The following NHS variants were observed in gnomAD, a reference collection of about 807,000 sequenced individuals.
The protein encoded by NHS is actin remodeling regulator NHS.
A neutral mutation model predicts 72.5 loss-of-function variants in NHS; 5 were observed. The ratio of observed to expected loss-of-function variants is 0.07; its 90% CI spans 0.04 to 0.14. NHS has a LOEUF of 0.14. NHS is among the 10% of genes least tolerant of loss of function. NHS has a pLI of 1.00. For missense variants in NHS, 1,072 were observed against 1,355.7 expected (o/e 0.79, Z 3.29); for synonymous variants, 464 against 547.7 (o/e 0.85, Z 2.13).
rs755874607 is a variant in NHS, at chrX:17,602,196, CAACA to C, written c.566-85527_566-85524del. 5.5e-3 allele frequency among the ~76,000 whole-genome samples: 608 copies of C among 110,437 alleles called. 7 individuals are homozygous for C. The highest frequency in any genetic ancestry group is 0.019 in the African/African-American group (559 of 30,114). On this transcript the variant is annotated intron_variant, in intron 1 of 8. Coordinates refer to ENST00000676302, the MANE Select transcript of NHS (RefSeq NM_001291867.2). ...CTGATCACACACACAACAACAACAACAACAAACAAACAAACAAACAAAAAAACAG... is the reference window on the plus strand; with the variant it reads ...CTGATCACACACACAACAACAACAACAACAAACAAACAAACAAAAAAACAG...
chrX:17,478,997 T>A (rs1161778342), intron 1 of NHS, among the ~76,000 whole-genome samples: 1 of 111,823 alleles, frequency 8.9e-6, no homozygotes, highest in South Asian at 3.8e-4. Context: ...GGTGGTTTGC[T>A]GCACCCACCA....
chrX:17,643,296 C>CT (rs1192694615), intron 1 of NHS, among the ~76,000 whole-genome samples: 34 of 109,710 alleles, frequency 3.1e-4, no homozygotes, highest in Middle Eastern at 4.7e-3. Context: ...TTCTTTCTTT[C>CT]TTTTTTTTTC....
chrX:17,479,500 A>T (rs1334956994), intron 1 of NHS, among the ~76,000 whole-genome samples: 1 of 112,322 alleles, frequency 8.9e-6, no homozygotes, highest in East Asian at 2.8e-4. Context: ...CAATGGTTGA[A>T]CTAATTTACC....
chrX:17,424,939 G>T (rs996892261), intron 1 of NHS, among the ~76,000 whole-genome samples: 2 of 111,559 alleles, frequency 1.8e-5, no homozygotes, highest in African/African-American at 3.3e-5. Flanking sequence ...AGATGTTGGG[G>T]TGGTGGTGAG....
In NHS at chrX:17,376,189, G is replaced by A. The variant is rs755554185; in HGVS notation, c.432G>A (p.Arg144=). ...RVLRQLSDVA[R]HACSLFQELE... Reference sequence around the variant, plus strand: ...TCCGGCAGCTCTCGGACGTGGCCCGGCACGCTTGCAGCCTCTTCCAGGAGC... The same window carrying A: ...TCCGGCAGCTCTCGGACGTGGCCCGACACGCTTGCAGCCTCTTCCAGGAGC... Residue 144 remains arginine, a synonymous_variant, in exon 1 of 9, where the codon CGG becomes CGA. Transcript: ENST00000676302. 1.7e-6 allele frequency: 2 copies of A among 1,190,126 alleles called. No individual in the cohort carries two copies. The highest frequency in any genetic ancestry group is 2.2e-5 in the Admixed American group (1 of 45,288).
rs1178079994 is a variant in NHS, at chrX:17,402,129, C to T, written c.565+25807C>T. Among the ~76,000 whole-genome samples the T allele has an allele frequency of 9.0e-5, 10 of 111,546 alleles. No individual in the cohort carries two copies. The East Asian group carries it at 2.3e-3, about 25-fold the overall frequency. ...AAGGCAATGCAAATCAAAACCACAA[C>T]GAGATACCACATCATCATACCCATT... On this transcript the variant is annotated intron_variant, in intron 1 of 8. Coordinates refer to ENST00000676302, the MANE Select transcript of NHS (RefSeq NM_001291867.2).
chrX:17,447,798 C>T (rs1407128561), intron 1 of NHS, among the ~76,000 whole-genome samples: 1 of 109,338 alleles, frequency 9.1e-6, no homozygotes, highest in Non-Finnish European at 1.9e-5. Context: ...CACACACACA[C>T]ACACACACAC....
At chrX:17,427,345 C>G (rs2064662158) in intron 1 of NHS, among the ~76,000 whole-genome samples, 1 of 111,975 alleles carries the variant, frequency 8.9e-6, no homozygotes, top group African/African-American at 3.2e-5. Flanking sequence ...ACAGTCTTGC[C>G]AAGACCTAGC....
chrX:17,458,060 T>G (rs1339811012), intron 1 of NHS, among the ~76,000 whole-genome samples: 1 of 112,004 alleles, frequency 8.9e-6, no homozygotes, highest in Non-Finnish European at 1.9e-5. Flanking sequence ...ATGTGGTTTT[T>G]TTGCCCATGA....
chrX:17,439,767 A>T (rs148748347), intron 1 of NHS, among the ~76,000 whole-genome samples: 1,180 of 112,299 alleles, frequency 0.011, 15 homozygotes, highest in African/African-American at 0.036. Flanking sequence ...TATATGTGTG[A>T]GCTTTTCACA....
At chrX:17,679,803 C>T (rs2066112888) in intron 1 of NHS, among the ~76,000 whole-genome samples, 1 of 105,130 alleles carries the variant, frequency 9.5e-6, no homozygotes, top group African/African-American at 3.5e-5. Context: ...ATTTCATATA[C>T]TGAATACCTG....
intron 1 of NHS, among the ~76,000 whole-genome samples, chrX:17,589,887 A>C (rs1198250657): frequency 9.0e-6 from 1 of 111,703 alleles, no homozygotes; most frequent in Non-Finnish European, 1.9e-5. Flanking sequence ...TTGCAGGAGT[A>C]AGATGGTATT....
intron 2 of NHS, among the ~76,000 whole-genome samples, chrX:17,689,055 A>G (rs2066180604): frequency 8.9e-6 from 1 of 112,483 alleles, no homozygotes; most frequent in Non-Finnish European, 1.9e-5. Flanking sequence ...AAATGCAAGT[A>G]AAATATTTTA....
In NHS at chrX:17,733,427, T is replaced by C. The variant is rs1241193485; in HGVS notation, c.*963T>C. 1 of 112,079 alleles carries C rather than the reference T, an allele frequency of 8.9e-6. No individual in the cohort carries two copies. The highest frequency in any genetic ancestry group is 3.3e-5 in the African/African-American group (1 of 30,704). The allele number at this position is 112,079 out of a possible 1,213,427, so 9.2% of individuals were successfully genotyped here. A position where few individuals can be genotyped will look rare whatever the true frequency, so the allele number is the denominator to read the frequency against. ...CTTTAAAGAGAATGAGTAGGGAAAA[T>C]AGTAGTTAATTTTAGGTTATGTTTT... On this transcript the variant is annotated 3_prime_UTR_variant, in exon 9 of 9. Transcript: ENST00000676302.
At chrX:17,534,065 A>G (rs1027637693) in intron 1 of NHS, among the ~76,000 whole-genome samples, 4 of 109,133 alleles carry the variant, frequency 3.7e-5, no homozygotes, top group Non-Finnish European at 7.6e-5. Flanking sequence ...AGAGGAAGAA[A>G]GCCTTCTTCG....
At chrX:17,533,047 G>A (rs1373970068) in intron 1 of NHS, among the ~76,000 whole-genome samples, 1 of 111,880 alleles carries the variant, frequency 8.9e-6, no homozygotes, top group East Asian at 2.8e-4. Flanking sequence ...GACCTACGTG[G>A]ATTTTTCTAT....
rs184061620 is a variant in NHS at position 17,504,388 on chromosome X, T to G, written c.565+128066T>G. On this transcript the variant is annotated intron_variant, in intron 1 of 8. Coordinates refer to ENST00000676302, the MANE Select transcript of NHS (RefSeq NM_001291867.2). Reference sequence around the variant, plus strand: ...TCAGCTAACAAGATATGTATACTTCTCCCACAGCCATCCTTATGGTGAAAA... The same window carrying G: ...TCAGCTAACAAGATATGTATACTTCGCCCACAGCCATCCTTATGGTGAAAA... Among the ~76,000 whole-genome samples the G allele has an allele frequency of 1.8e-4, 20 of 112,195 alleles. No homozygotes were observed. The East Asian group carries it at 5.6e-3, about 31-fold the overall frequency.
intron 1 of NHS, among the ~76,000 whole-genome samples, chrX:17,410,218 G>A (rs765606934): frequency 2.4e-3 from 264 of 111,033 alleles, no homozygotes; most frequent in African/African-American, 8.2e-3. Flanking sequence ...GTGTCTGAGG[G>A]TGGTCTCCTT....
intron 3 of NHS, among the ~76,000 whole-genome samples, chrX:17,712,290 TACACACACACACACAC>T (rs1308908423): frequency 1.9e-5 from 1 of 53,000 alleles, no homozygotes; most frequent in Non-Finnish European, 3.4e-5. Context: ...TATATATATA[TACACACACACACACAC>T]ACACATATAT....
Sources: gnomAD v4.1 joint callset for allele counts (sites outside exome capture counted in the v4.1 genomes callset) on GRCh38, gnomAD v4.1.1 for gene constraint, MANE v1.5 for transcripts, NCBI Gene and HGNC (gene_info 2026-07-23, HGNC 2026-07-21) for gene names.